The following SLC7A2 variants were observed in gnomAD, a reference collection of about 807,000 sequenced individuals.
SLC7A2 encodes solute carrier family 7 member 2.
In SLC7A2, 48 loss-of-function variants were observed where a neutral mutation model predicts 58.9. The ratio of observed to expected loss-of-function variants is 0.82; its 90% CI spans 0.65 to 1.04. SLC7A2 has a LOEUF of 1.04. Ranked by LOEUF, SLC7A2 falls within the 50% of genes least tolerant of loss-of-function variation. The pLI is 0.00. For synonymous variants in SLC7A2, 363 were observed against 314.5 expected, an observed-to-expected ratio of 1.15 and a Z score of -1.63; for missense variants, 1,029 against 818.8, an observed-to-expected ratio of 1.26 and a Z score of -3.13.
chr8:17,513,688 A>G (rs972601096), intron 2 of SLC7A2, among the ~76,000 whole-genome samples: 2 of 152,208 alleles, frequency 1.3e-5, no homozygotes, highest in South Asian at 2.1e-4. Flanking sequence ...ACAAGACATC[A>G]TTTTTGGCAG....
intron 1 of SLC7A2, among the ~76,000 whole-genome samples, chr8:17,501,881 TA>T (rs10583339): frequency 0.11 from 15,727 of 142,120 alleles, 1,037 homozygotes; most frequent in South Asian, 0.2. Context: ...AACAGGAGCT[TA>T]AAAAAAAAAA....
Position 17,534,911 on chromosome 8 carries a change from G to A in SLC7A2, c.-22-8407G>A, listed in dbSNP as rs148524065. ...CATCCTCTTCCTTGACTCTCAAGGT[G>A]GAGAAGCTAAGCTCTGTTGTCCACC... is the stretch of plus-strand genomic sequence containing the variant. On this transcript the variant is annotated intron_variant, in intron 2 of 12. Coordinates refer to ENST00000494857, the MANE Select transcript of SLC7A2 (RefSeq NM_001370338.1). Among the ~76,000 whole-genome samples the A allele has an allele frequency of 3.9e-5, 6 of 152,222 alleles. No homozygotes were observed. The East Asian group carries it at 5.8e-4, about 15-fold the overall frequency.
At chr8:17,533,234 G>T (rs1052609178) in intron 2 of SLC7A2, among the ~76,000 whole-genome samples, 1 of 152,148 alleles carries the variant, frequency 6.6e-6, no homozygotes. Flanking sequence ...AGAAGCTAAC[G>T]ATAAAAATCT....
At chr8:17,553,632 C>T (rs992402143) in intron 7 of SLC7A2, among the ~76,000 whole-genome samples, 1 of 152,062 alleles carries the variant, frequency 6.6e-6, no homozygotes, top group African/African-American at 2.4e-5. Context: ...ATTAGCTGAG[C>T]ATGGTGGCAT....
Position 17,562,042 on chromosome 8 carries a change from G to T in SLC7A2, c.1603G>T (p.Val535Phe). 6.2e-7 allele frequency: 1 copy of T among 1,614,020 alleles called. No individual in the cohort carries two copies. The part of the protein sequence containing the change: ...WSLALLALFL[V>F]LFVAIVLTIW... ...CCTCGCTCTCCTCGCGCTGTTTCTTGTTCTCTTCGTTGCCATCGTTCTCAC... is the reference window on the plus strand; with the variant it reads ...CCTCGCTCTCCTCGCGCTGTTTCTTTTTCTCTTCGTTGCCATCGTTCTCAC... Residue 535 changes from valine (V) to phenylalanine (F), a missense_variant, in exon 11 of 13, where the codon GTT becomes TTT. Coordinates refer to ENST00000494857, the MANE Select transcript of SLC7A2 (RefSeq NM_001370338.1).
In SLC7A2 at chr8:17,551,988, T is replaced by A. The variant is rs1024992322; in HGVS notation, c.1055+2T>A. 6.2e-7 allele frequency: 1 copy of A among 1,613,228 alleles called. No homozygotes were observed. The highest frequency in any genetic ancestry group is 1.7e-4 in the Middle Eastern group (1 of 6,058). ...TTCTCTCTGCGCCTTGTCAACAAGG[T>A]ACATTGCATCGCCTTTGGGGCACGG... On this transcript the variant is annotated splice_donor_variant, in intron 7 of 12. Transcript: ENST00000494857. LOFTEE classifies it high-confidence loss of function.
intron 2 of SLC7A2, among the ~76,000 whole-genome samples, chr8:17,509,305 T>C (rs978242744): frequency 6.6e-6 from 1 of 151,964 alleles, no homozygotes; most frequent in Non-Finnish European, 1.5e-5. Flanking sequence ...ATAATTTCCT[T>C]ATTCTTCTTC....
At chr8:17,520,644 A>ATG (rs1563445128) in intron 2 of SLC7A2, 2 of 123,616 alleles carry the variant, frequency 1.6e-5, no homozygotes, top group Admixed American at 7.9e-5. Context: ...CTGTCTTTAA[A>ATG]AAAAAAAAAA....
intron 11 of SLC7A2, among the ~76,000 whole-genome samples, chr8:17,562,937 T>A (rs1563486576): frequency 6.6e-6 from 1 of 151,958 alleles, no homozygotes; most frequent in Non-Finnish European, 1.5e-5. Context: ...GGCCAGGAGT[T>A]CAAGTGTAGC....
chr8:17,540,018 T>G (rs1801841782), intron 2 of SLC7A2, among the ~76,000 whole-genome samples: 1 of 152,024 alleles, frequency 6.6e-6, no homozygotes, highest in South Asian at 2.1e-4. Context: ...TAGACACAAA[T>G]TTTTTTTCTC....
chr8:17,568,196 A>G lies in SLC7A2; in HGVS notation c.*3050A>G, dbSNP rs1803355521. ...TTCTACATTAAGAAATATATTCTCA[A>G]CATTTTCAGTGAGAATTTCTTGTAA... On this transcript the variant is annotated 3_prime_UTR_variant, in exon 13 of 13. Coordinates refer to ENST00000494857, the MANE Select transcript of SLC7A2 (RefSeq NM_001370338.1). The G allele has an allele frequency of 1.3e-5, 2 of 152,098 alleles. No individual in the cohort carries two copies. The allele number at this position is 152,098 out of a possible 1,614,324, so 9.4% of individuals were successfully genotyped here.
chr8:17,503,493 A>T (rs992186828), intron 2 of SLC7A2, among the ~76,000 whole-genome samples: 3 of 152,198 alleles, frequency 2.0e-5, no homozygotes, highest in African/African-American at 7.2e-5. Context: ...CTTATTATTC[A>T]TACGCGGCGC....
intron 2 of SLC7A2, among the ~76,000 whole-genome samples, chr8:17,535,290 C>T (rs1040456465): frequency 1.3e-5 from 2 of 152,086 alleles, no homozygotes; most frequent in Admixed American, 6.5e-5. Context: ...TGTGTCCCCA[C>T]CGCCCCCTCC....
At chr8:17,504,917 G>T (rs1343944949) in intron 2 of SLC7A2, among the ~76,000 whole-genome samples, 6 of 152,162 alleles carry the variant, frequency 3.9e-5, no homozygotes, top group East Asian at 1.9e-4. Flanking sequence ...CAGAGAAGGA[G>T]CTCCTCCTCC....
chr8:17,504,091 C>G (rs1410751692), intron 2 of SLC7A2, among the ~76,000 whole-genome samples: 1 of 152,156 alleles, frequency 6.6e-6, no homozygotes, highest in Non-Finnish European at 1.5e-5. Flanking sequence ...AGAGGCCTGG[C>G]GTTTTGCATT....
chr8:17,505,885 A>C (rs762247364), intron 2 of SLC7A2, among the ~76,000 whole-genome samples: 1 of 152,204 alleles, frequency 6.6e-6, no homozygotes, highest in Non-Finnish European at 1.5e-5. Flanking sequence ...GGGCCTTATC[A>C]GTTTTTACAA....
At chr8:17,529,303 C>A (rs1020690606) in intron 2 of SLC7A2, among the ~76,000 whole-genome samples, 1 of 152,134 alleles carries the variant, frequency 6.6e-6, no homozygotes, top group African/African-American at 2.4e-5. Context: ...CTCTCTGCTG[C>A]CCTTAGTTGA....
chr8:17,557,127 C>G (rs1359084129), intron 8 of SLC7A2, among the ~76,000 whole-genome samples: 1 of 152,104 alleles, frequency 6.6e-6, no homozygotes, highest in East Asian at 1.9e-4. Flanking sequence ...TTTTATATGC[C>G]TAAACATAAA....
chr8:17,522,178 CA>C (rs200877074), intron 2 of SLC7A2, among the ~76,000 whole-genome samples: 5,861 of 152,178 alleles, frequency 0.039, 168 homozygotes, highest in Middle Eastern at 0.17. Flanking sequence ...TGGCAGATGG[CA>C]AAAGTCACGT....
Sources: gnomAD v4.1 joint callset for allele counts (sites outside exome capture counted in the v4.1 genomes callset) on GRCh38, gnomAD v4.1.1 for gene constraint, MANE v1.5 for transcripts, NCBI Gene and HGNC (gene_info 2026-07-23, HGNC 2026-07-21) for gene names.